The following PXK variants were observed in gnomAD, a reference collection of about 807,000 sequenced individuals.
PXK encodes PX domain-containing protein kinase-like protein.
In PXK, 35 loss-of-function variants were observed where a neutral mutation model predicts 84.7. That is an observed-to-expected ratio of 0.41 (90% CI 0.32 to 0.55). The LOEUF (loss-of-function observed/expected upper bound fraction) is 0.55, where lower values mean the gene tolerates loss of function less well. Among genes scored for constraint, PXK ranks in the 20% least tolerant of loss-of-function variants. PXK has a pLI of 0.21. For missense variants in PXK, 634 were observed against 699.7 expected (o/e 0.91, Z 1.06); for synonymous variants, 253 against 260.8 (o/e 0.97, Z 0.29).
intron 6 of PXK, among the ~76,000 whole-genome samples, 192 bp from the exon 7 acceptor site, chr3:58,391,581 A>C (rs1052146847): frequency 2.0e-5 from 3 of 151,964 alleles, no homozygotes; most frequent in South Asian, 4.1e-4. Flanking sequence ...TAGTGGAATT[A>C]GATAAGATTA....
At position 58,397,132 on chromosome 3, in the gene PXK, C is replaced by T; in HGVS notation, c.916C>T (p.Leu306Phe). The change falls in exon 10 of 18, where the codon CTT (leucine) becomes TTT (phenylalanine). Residue 306 changes from leucine (L) to phenylalanine (F), a missense_variant. By Grantham distance (22) the Leu-to-Phe change is conservative. This residue lies in a region of PXK where 353 missense variants were observed against 385.2 expected (regional missense o/e 0.92). Coordinates refer to ENST00000356151, the MANE Select transcript of PXK (RefSeq NM_017771.5). The surrounding 1 kb of genome is among the most constrained non-coding windows in gnomAD (Gnocchi z 4.7). ...LDGDTCRLLDLENSLLGLPSF... is the reference protein window; with the variant it reads ...LDGDTCRLLDFENSLLGLPSF... ...TGGGGACACTTGCCGGCTGCTGGACCTTGAGAATTCCTTATTGGGCCTGCC... is the reference window on the plus strand; with the variant it reads ...TGGGGACACTTGCCGGCTGCTGGACTTTGAGAATTCCTTATTGGGCCTGCC... 1.2e-6 allele frequency: 2 copies of T among 1,614,186 alleles called. No individual in the cohort carries two copies. The highest frequency in any genetic ancestry group is 1.1e-5 in the South Asian group (1 of 91,082).
chr3:58,397,628 C>T lies in PXK; in HGVS notation c.1008C>T (p.His336=), dbSNP rs373326479. 5.0e-6 allele frequency: 8 copies of T among 1,614,002 alleles called. No homozygotes were observed. Among genetic ancestry groups the T allele is most frequent in the Non-Finnish European group, 6.8e-6 (8 of 1,179,966 alleles). Residue 336 remains histidine, a synonymous_variant, in exon 11 of 18, where the codon CAC becomes CAT. Coordinates refer to ENST00000356151, the MANE Select transcript of PXK (RefSeq NM_017771.5). This position sits in a 1 kb window ranked among gnomAD's most constrained non-coding sequence, Gnocchi z 4.7. ...KINTLESVDV[H]CFGHLLYEMT... ...AGACATTGGAAAGTGTGGATGTCCA[C>T]TGCTTTGGCCACTTACTGTATGAAA...
rs376629687 is a variant in PXK, at chr3:58,409,638, G to T, written c.1395+20G>T. 614 of 1,588,016 alleles carry T rather than the reference G, an allele frequency of 3.9e-4. 1 individual carries two copies. The highest frequency in any genetic ancestry group is 3.7e-3 in the Middle Eastern group (22 of 6,014). On this transcript the variant is annotated intron_variant, in intron 15 of 17. Transcript: ENST00000356151. This position sits in a 1 kb window ranked among gnomAD's most constrained non-coding sequence, Gnocchi z 4.2. ...CGAAAGGTAAGCCTGCTGTCTCTCT[G>T]CAGTCCCTCTATGAGTTCTTGAGTA... is the stretch of plus-strand genomic sequence containing the variant.
rs1008711143 is a variant in PXK, at chr3:58,398,574, A to T, written c.1103-725A>T. On this transcript the variant is annotated intron_variant, in intron 11 of 17. Transcript: ENST00000356151. The surrounding 1 kb of genome is among the most constrained non-coding windows in gnomAD (Gnocchi z 4.5). The stretch of plus-strand genomic sequence containing the variant: ...CGGGGGCTGAGGGGAGCTGGAGGAC[A>T]AGTGAGAGCACCTTTAGGAAGGAGG... Among the ~76,000 whole-genome samples, 1 of 152,070 alleles carries T rather than the reference A, an allele frequency of 6.6e-6. No homozygotes were observed. The highest frequency in any genetic ancestry group is 2.4e-5 in the African/African-American group (1 of 41,402).
chr3:58,338,749 G>A (rs553202770), intron 1 of PXK, among the ~76,000 whole-genome samples: 6 of 149,600 alleles, frequency 4.0e-5, no homozygotes, highest in South Asian at 2.1e-4. Context: ...GCAGTGGCGC[G>A]ATCTCGGCTC....
At chr3:58,422,575 G>C in intron 17 of PXK, 2 of 985,350 alleles carry the variant, frequency 2.0e-6, no homozygotes, top group Non-Finnish European at 2.4e-6. Context: ...CATTTACTTG[G>C]ACAGTGGAAA....
rs1204059861 is a variant in PXK, at chr3:58,409,010, A to C, written c.1308+9A>C. On this transcript the variant is annotated intron_variant, in intron 14 of 17. Transcript: ENST00000356151. The surrounding 1 kb of genome is among the most constrained non-coding windows in gnomAD (Gnocchi z 4.2). Reference sequence around the variant, plus strand: ...TTGAGGAACAGAAACAGGTAAATTGATAACGGTTCCTCTTTGCCTTTTAGT... The same window carrying C: ...TTGAGGAACAGAAACAGGTAAATTGCTAACGGTTCCTCTTTGCCTTTTAGT... 2 of 1,563,666 alleles carry C rather than the reference A, an allele frequency of 1.3e-6. No individual in the cohort carries two copies. The highest frequency in any genetic ancestry group is 1.7e-5 in the Admixed American group (1 of 59,382).
chr3:58,415,218 T>A (rs561172565), intron 17 of PXK, among the ~76,000 whole-genome samples: 81 of 152,028 alleles, frequency 5.3e-4, no homozygotes, highest in Non-Finnish European at 1.0e-3. Context: ...ACCAGCTGGG[T>A]GTCCTCCAAT....
At chr3:58,423,624 C>A in intron 17 of PXK, 1 of 1,451,136 alleles carries the variant, frequency 6.9e-7, no homozygotes, top group Non-Finnish European at 9.2e-7. Context: ...GGTAGCTTTA[C>A]CTGTTACTTA....
rs1335069734 is a variant in PXK at position 58,412,835 on chromosome 3, A to G, written c.1466-66A>G. ...AGATTCTCAGACAGCAGTGGGTCCC[A>G]GCCTGGGCCAAATTCCAAATGTCTT... On this transcript the variant is annotated intron_variant, in intron 16 of 17. Transcript: ENST00000356151. This position sits in a 1 kb window ranked among gnomAD's most constrained non-coding sequence, Gnocchi z 6.2. 7 of 1,546,032 alleles carry G rather than the reference A, an allele frequency of 4.5e-6. No homozygotes were observed. The highest frequency in any genetic ancestry group is 5.4e-6 in the Non-Finnish European group (6 of 1,118,128).
chr3:58,399,366 C>A lies in PXK; in HGVS notation c.1170C>A (p.Leu390=), dbSNP rs755912842. Residue 390 remains leucine, a synonymous_variant, in exon 12 of 18, where the codon CTC becomes CTA. Transcript: ENST00000356151. The surrounding 1 kb of genome is among the most constrained non-coding windows in gnomAD (Gnocchi z 4.3). ...CKNGMPTISR[L]LQMPLFSDVL... is the part of the protein sequence containing the mutation. ...ATGGCATGCCTACCATCTCCCGGCT[C>A]TTACAGATGCCGTAAGTCAATCATA... The A allele has an allele frequency of 6.2e-7, 1 of 1,613,220 alleles. No homozygotes were observed. Among genetic ancestry groups the A allele is most frequent in the Admixed American group, 1.7e-5 (1 of 60,024 alleles).
chr3:58,354,385 C>T (rs1313857050), intron 1 of PXK, among the ~76,000 whole-genome samples: 5 of 151,102 alleles, frequency 3.3e-5, no homozygotes, highest in East Asian at 1.9e-4. Flanking sequence ...TTGGTGGTTG[C>T]GTCATCTGTT....
rs34649995 is a variant in PXK, at chr3:58,333,876, CT to C, written c.102+799del. On this transcript the variant is annotated intron_variant, in intron 1 of 17. Transcript: ENST00000356151. The surrounding 1 kb of genome is among the most constrained non-coding windows in gnomAD (Gnocchi z 5.4). ...CGTGGTTGTTTTCATTTGCTTGTAC[CT>C]TTTTTTTTTTTTGAAAGGCCCACTA... 0.047 allele frequency among the ~76,000 whole-genome samples: 6,791 copies of C among 144,076 alleles called. 488 individuals carry two copies. The highest frequency in any genetic ancestry group is 0.15 in the African/African-American group (6,120 of 39,706). The allele number at this position is 144,076 out of a possible 152,430, so 94.5% of individuals were successfully genotyped here. A position where few individuals can be genotyped will look rare whatever the true frequency, so the allele number is the denominator to read the frequency against.
chr3:58,388,937 C>A (rs574997496), intron 4 of PXK, among the ~76,000 whole-genome samples: 2 of 151,950 alleles, frequency 1.3e-5, no homozygotes, highest in Non-Finnish European at 2.9e-5. Flanking sequence ...AACTGAAATT[C>A]CACAGTGCAT....
In PXK at chr3:58,424,968, TG is replaced by T. The variant is rs770633088; in HGVS notation, c.*9del. 6.2e-7 allele frequency: 1 copy of T among 1,613,736 alleles called. No homozygotes were observed. Among genetic ancestry groups the T allele is most frequent in the Non-Finnish European group, 8.5e-7 (1 of 1,179,934 alleles). The stretch of plus-strand genomic sequence containing the variant: ...GCTCCGAAGATCGGCTGAAGCTTCC[TG>T]TTTACACTTGGAGGGAAAAGTTCTT... On this transcript the variant is annotated 3_prime_UTR_variant, in exon 18 of 18. Transcript: ENST00000356151.
intron 7 of PXK, 42 bp downstream of exon 7, chr3:58,391,889 A>G (rs2098635606): frequency 6.5e-7 from 1 of 1,530,254 alleles, no homozygotes; most frequent in African/African-American, 1.4e-5. Flanking sequence ...CTGATGATAG[A>G]GTCACAGTAT....
Position 58,397,712 on chromosome 3 carries a change from C to T in PXK, c.1092C>T (p.Ser364=). 6.2e-7 allele frequency: 1 copy of T among 1,613,186 alleles called. No individual in the cohort carries two copies. Among genetic ancestry groups the T allele is most frequent in the Non-Finnish European group, 8.5e-7 (1 of 1,179,204 alleles). The change falls in exon 11 of 18, where the codon TCC becomes TCT. Residue 364 remains serine, a synonymous_variant. Coordinates refer to ENST00000356151, the MANE Select transcript of PXK (RefSeq NM_017771.5). This position sits in a 1 kb window ranked among gnomAD's most constrained non-coding sequence, Gnocchi z 4.7. ...VPVDSFPPAP[S]MAVVAVLEST... ...TGGACTCCTTCCCTCCTGCCCCGTC[C>T]ATGGCTGTGGGTCAGTATGGGGTTG...
In PXK at chr3:58,403,924, T is replaced by C. The variant is rs1176303336; in HGVS notation, c.1230+14T>C. Reference sequence around the variant, plus strand: ...CCACAGTTTAAGGTAAAGACAATTATATCGTTTTTTGGTTTGTGACATAAC... The same window carrying C: ...CCACAGTTTAAGGTAAAGACAATTACATCGTTTTTTGGTTTGTGACATAAC... On this transcript the variant is annotated intron_variant, in intron 13 of 17. Coordinates refer to ENST00000356151, the MANE Select transcript of PXK (RefSeq NM_017771.5). 2 of 1,484,836 alleles carry C rather than the reference T, an allele frequency of 1.3e-6. No homozygotes were observed. Among genetic ancestry groups the C allele is most frequent in the Admixed American group, 1.9e-5 (1 of 53,394 alleles). The allele number at this position is 1,484,836 out of a possible 1,614,324, so 92.0% of individuals were successfully genotyped here.
Position 58,424,966 on chromosome 3 carries a change from C to T in PXK, c.*6C>T, listed in dbSNP as rs2062628393. 6.2e-7 allele frequency: 1 copy of T among 1,613,874 alleles called. No individual in the cohort carries two copies. Among genetic ancestry groups the T allele is most frequent in the Non-Finnish European group, 8.5e-7 (1 of 1,180,018 alleles). ...GTGCTCCGAAGATCGGCTGAAGCTT[C>T]CTGTTTACACTTGGAGGGAAAAGTT... On this transcript the variant is annotated 3_prime_UTR_variant, in exon 18 of 18. Transcript: ENST00000356151.
Sources: gnomAD v4.1 joint callset for allele counts (sites outside exome capture counted in the v4.1 genomes callset) on GRCh38, gnomAD v4.1.1 for gene constraint, gnomAD v4.1.1 regional missense constraint, Gnocchi (gnomAD v3.1) non-coding constraint, MANE v1.5 for transcripts, NCBI Gene and HGNC (gene_info 2026-07-23, HGNC 2026-07-21) for gene names.